HS1BP3: variants seen among roughly 807,000 people sequenced by gnomAD.
The protein encoded by HS1BP3 is HCLS1 binding protein 3.
A neutral mutation model predicts 33.5 loss-of-function variants in HS1BP3; 32 were observed. The ratio of observed to expected loss-of-function variants is 0.95; its 90% CI spans 0.72 to 1.28. HS1BP3 has a LOEUF of 1.28. Ranked by LOEUF, HS1BP3 falls within the 50% of genes most tolerant of loss-of-function variation. The pLI is 0.00. For missense variants in HS1BP3, 486 were observed against 502.3 expected (o/e 0.97, Z 0.31); for synonymous variants, 187 against 209.2 (o/e 0.89, Z 0.92).
chr2:20,630,267 T>C (rs1694929814), intron 4 of HS1BP3, among the ~76,000 whole-genome samples: 1 of 152,166 alleles, frequency 6.6e-6, no homozygotes, highest in African/African-American at 2.4e-5. Flanking sequence ...TTTTGTTTTT[T>C]GGGTTTTTGT....
At chr2:20,574,423 C>T (rs1175746381) in intron 5 of HS1BP3, among the ~76,000 whole-genome samples, 1 of 152,194 alleles carries the variant, frequency 6.6e-6, no homozygotes, top group East Asian at 1.9e-4. Flanking sequence ...CAGTCAATTG[C>T]TAACTTTCTG....
At chr2:20,573,117 G>A (rs965336084) in intron 5 of HS1BP3, among the ~76,000 whole-genome samples, 2 of 152,156 alleles carry the variant, frequency 1.3e-5, no homozygotes, top group Non-Finnish European at 2.9e-5. Context: ...TCTAACCCCT[G>A]GTACCTGGGA....
chr2:20,596,842 C>T (rs1268210048), intron 3 of HS1BP3, among the ~76,000 whole-genome samples: 3 of 152,164 alleles, frequency 2.0e-5, no homozygotes, highest in Non-Finnish European at 4.4e-5. Context: ...GGTGTTTTTC[C>T]CCCTCTGCAT....
chr2:20,644,302 T>G (rs968974527), intron 2 of HS1BP3, among the ~76,000 whole-genome samples: 1 of 152,084 alleles, frequency 6.6e-6, no homozygotes, highest in Non-Finnish European at 1.5e-5. Flanking sequence ...CTCCTCCTTC[T>G]CCCCAAGAGT....
At chr2:20,624,442 C>A (rs968800887) in intron 5 of HS1BP3, among the ~76,000 whole-genome samples, 4 of 152,206 alleles carry the variant, frequency 2.6e-5, no homozygotes, top group African/African-American at 7.2e-5. Flanking sequence ...CTGCACAGAG[C>A]CCTCCAGCAG....
Position 20,641,145 on chromosome 2 carries a change from G to T in HS1BP3, c.234C>A (p.Tyr78Ter). Reference sequence around the variant, plus strand: ...CTGCATAACGACTGCTCAGTTTCTGGTAAAACTCCTCAATCTCGCTGTACT... The same window carrying T: ...CTGCATAACGACTGCTCAGTTTCTGTTAAAACTCCTCAATCTCGCTGTACT... ...SKKYSEIEEF[Y>*]QKLSSRYAAA... The change falls in exon 3 of 7, where the codon TAC (tyrosine) becomes TAA (stop). Residue 78 changes from tyrosine to a stop codon, truncating the protein, a stop_gained. Coordinates refer to ENST00000304031, the MANE Select transcript of HS1BP3 (RefSeq NM_022460.4). LOFTEE classifies it high-confidence loss of function. 1.9e-6 allele frequency: 3 copies of T among 1,610,598 alleles called. No individual in the cohort carries two copies. The highest frequency in any genetic ancestry group is 2.5e-6 in the Non-Finnish European group (3 of 1,179,986).
intron 4 of HS1BP3, among the ~76,000 whole-genome samples, chr2:20,630,943 T>C (rs941226615): frequency 6.6e-6 from 1 of 152,196 alleles, no homozygotes; most frequent in African/African-American, 2.4e-5. Context: ...GGGGAGATTC[T>C]GGCCTTTGCT....
At chr2:20,562,214 C>T (rs1238486524) in intron 5 of HS1BP3, among the ~76,000 whole-genome samples, 1 of 152,170 alleles carries the variant, frequency 6.6e-6, no homozygotes, top group South Asian at 2.1e-4. Context: ...CACTGTGGCT[C>T]ACACCTGTAA....
intron 5 of HS1BP3, among the ~76,000 whole-genome samples, chr2:20,571,293 G>A (rs1490993023): frequency 6.6e-6 from 1 of 152,092 alleles, no homozygotes; most frequent in African/African-American, 2.4e-5. Flanking sequence ...GGCCTAGGCT[G>A]GGGAGCAAGC....
intron 2 of HS1BP3, 98 bp from the exon 3 acceptor site, chr2:20,641,278 G>A (rs949499650): frequency 2.6e-5 from 29 of 1,131,522 alleles, no homozygotes; most frequent in Non-Finnish European, 3.6e-5. Flanking sequence ...GCAGCCAAAG[G>A]AAGTGTGCCA....
At chr2:20,613,824 A>G (rs79156571), downstream of HS1BP3, among the ~76,000 whole-genome samples, 1,152 of 152,316 alleles carry the variant, frequency 7.6e-3, 8 homozygotes, top group Non-Finnish European at 0.011. Flanking sequence ...GCCTTGCAGA[A>G]TGGAATGGGC....
chr2:20,565,757 C>T (rs1693111180), intron 5 of HS1BP3, among the ~76,000 whole-genome samples: 1 of 152,240 alleles, frequency 6.6e-6, no homozygotes, highest in Non-Finnish European at 1.5e-5. Flanking sequence ...CCAAAGCCAC[C>T]AGGCAGGTCA....
chr2:20,575,373 C>T (rs1323082194), intron 5 of HS1BP3, among the ~76,000 whole-genome samples: 9 of 152,234 alleles, frequency 5.9e-5, no homozygotes, highest in African/African-American at 2.2e-4. Context: ...TAGTCCAAAG[C>T]CTCCTGGGCT....
chr2:20,588,473 G>A (rs1478199524), downstream of HS1BP3, among the ~76,000 whole-genome samples: 2 of 152,078 alleles, frequency 1.3e-5, no homozygotes, highest in African/African-American at 2.4e-5. Context: ...CAGCCACCAC[G>A]CCTGGCTAAT....
chr2:20,617,016 G>A (rs1694442186), downstream of HS1BP3, among the ~76,000 whole-genome samples: 2 of 152,102 alleles, frequency 1.3e-5, no homozygotes. Flanking sequence ...ATACACAACG[G>A]GCAGGCCAGG....
intron 4 of HS1BP3, 54 bp from the exon 5 acceptor site, chr2:20,624,946 G>A (rs576498539): frequency 8.1e-6 from 13 of 1,603,166 alleles, no homozygotes; most frequent in Admixed American, 3.3e-5. Flanking sequence ...GTGTCCAGGT[G>A]GTCCGGTCAG....
chr2:20,587,663 G>A (rs1247742203), downstream of HS1BP3, among the ~76,000 whole-genome samples: 1 of 152,168 alleles, frequency 6.6e-6, no homozygotes, highest in Admixed American at 6.5e-5. Flanking sequence ...GGAGAAGGGC[G>A]TGAACCTGGG....
intron 5 of HS1BP3, among the ~76,000 whole-genome samples, chr2:20,587,480 G>T (rs983698322): frequency 6.6e-6 from 1 of 152,170 alleles, no homozygotes. Flanking sequence ...TAGAGGTGAG[G>T]CTGGGAACCT....
intron 2 of HS1BP3, among the ~76,000 whole-genome samples, chr2:20,606,839 A>G (rs1426729182): frequency 6.6e-6 from 1 of 152,154 alleles, no homozygotes; most frequent in African/African-American, 2.4e-5. Context: ...TTCTTTATAT[A>G]TTCTAGACAC....
Sources: allele counts gnomAD v4.1 joint callset (sites outside exome capture counted in the v4.1 genomes callset), GRCh38; gene constraint gnomAD v4.1.1; transcripts MANE v1.5; gene names NCBI Gene and HGNC (gene_info 2026-07-23, HGNC 2026-07-21).